Variants in CARD10 observed in about 807,000 individuals in gnomAD.
CARD10 encodes the protein caspase recruitment domain-containing protein 10.
Under a neutral mutation model 114.6 loss-of-function variants are expected in CARD10, and 49 were observed. The observed-to-expected ratio is 0.43, with a 90% confidence interval of 0.34 to 0.54. CARD10 has a LOEUF of 0.54. CARD10 is among the 20% of genes least tolerant of loss of function. The pLI is 0.03. For missense variants in CARD10, 1,206 were observed against 1,397.2 expected (o/e 0.86, Z 2.18); for synonymous variants, 602 against 593.2 (o/e 1.01, Z -0.21).
Position 37,501,425 on chromosome 22 carries a change from G to A in CARD10, c.1787+1177C>T, listed in dbSNP as rs368606800. ...CCTCCACCCCTTCCCCGAGAAGCAC[G>A]TCCTGCACAGGCAAAAACAATGTCT... On this transcript the variant is annotated intron_variant, in intron 11 of 19. Coordinates refer to ENST00000251973, the MANE Select transcript of CARD10 (RefSeq NM_014550.4). This position sits in a 1 kb window ranked among gnomAD's most constrained non-coding sequence, Gnocchi z 5.4. Among the ~76,000 whole-genome samples the A allele has an allele frequency of 2.7e-5, 4 of 146,468 alleles. No homozygotes were observed. The highest frequency in any genetic ancestry group is 6.0e-5 in the Non-Finnish European group (4 of 66,582).
At chr22:37,491,494 G>T in intron 19 of CARD10, 101 bp from the exon 20 acceptor site, 1 of 795,906 alleles carries the variant, frequency 1.3e-6, no homozygotes, top group Non-Finnish European at 1.8e-6. Context: ...AGAGAGAGAA[G>T]ATGGACAACC....
chr22:37,509,121 G>A (rs1923521208), intron 4 of CARD10: 4 of 1,507,210 alleles, frequency 2.7e-6, no homozygotes, highest in African/African-American at 1.4e-5. Flanking sequence ...CCAAGATCTT[G>A]CCCCCAGACC....
Position 37,518,971 on chromosome 22 carries a change from C to T in CARD10, c.230G>A (p.Arg77His), listed in dbSNP as rs1200226771. 2 of 1,535,418 alleles carry T rather than the reference C, an allele frequency of 1.3e-6. No individual in the cohort carries two copies. The highest frequency in any genetic ancestry group is 1.4e-5 in the African/African-American group (1 of 72,508). ...ACTCGGGACCCGCGGCTCACCGGTG[C>T]GGTTGACGCGGCACGGGAAGCGGTA... ...STYRFPCRVN[R>H]TGRLMDILRC... Residue 77 changes from arginine (R) to histidine (H), a missense_variant, in exon 1 of 20, where the codon CGC (arginine) becomes CAC (histidine). This residue lies in a region of CARD10 where 138 missense variants were observed against 218.0 expected (regional missense o/e 0.63). Coordinates refer to ENST00000251973, the MANE Select transcript of CARD10 (RefSeq NM_014550.4).
At chr22:37,505,643 A>G (rs1398427185) in intron 7 of CARD10, among the ~76,000 whole-genome samples, 4 of 151,856 alleles carry the variant, frequency 2.6e-5, no homozygotes, top group Admixed American at 2.6e-4. Context: ...GTCTCAAAAA[A>G]AAAAAAAAAA....
At chr22:37,491,442 CAGAG>C (rs1211896474) in intron 19 of CARD10, 49 bp from the exon 20 acceptor site, 4 of 1,332,538 alleles carry the variant, frequency 3.0e-6, no homozygotes, top group South Asian at 3.0e-5. Context: ...CCAAGACAGA[CAGAG>C]AGACAGGGAG....
At position 37,506,271 on chromosome 22, in the gene CARD10, G is replaced by A. The variant is rs754748893; in HGVS notation, c.1304C>T (p.Thr435Ile). ...GLEAERDELL[T>I]TLTSLEGTKA... ...GGTGCCCTCCAGGCTGGTGAGCGTT[G>A]TCAGCAGCTCATCCCGCTCCGCCTC... is the stretch of plus-strand genomic sequence containing the variant. The change falls in exon 7 of 20, where the codon ACA becomes ATA. Residue 435 changes from threonine (T) to isoleucine (I), a missense_variant. This residue lies in a region of CARD10 where 1,068 missense variants were observed against 1,179.1 expected (regional missense o/e 0.91). Transcript: ENST00000251973. 1.9e-6 allele frequency: 3 copies of A among 1,609,482 alleles called. No homozygotes were observed. The highest frequency in any genetic ancestry group is 2.5e-6 in the Non-Finnish European group (3 of 1,178,012).
In CARD10 at chr22:37,507,919, G is replaced by A. The variant is rs1923469749; in HGVS notation, c.1101C>T (p.His367=). The change falls in exon 6 of 20, where the codon CAC becomes CAT. Residue 367 remains histidine, a synonymous_variant. Transcript: ENST00000251973. ...LQEMEDLRLK[H]RTLQKDCDLY... is the part of the protein sequence containing the mutation. Reference sequence around the variant, plus strand: ...GGTCACAGTCCTTCTGCAGCGTGCGGTGCTTGAGCCGCAGGTCTTCCATCT... The same window carrying A: ...GGTCACAGTCCTTCTGCAGCGTGCGATGCTTGAGCCGCAGGTCTTCCATCT... The A allele has an allele frequency of 1.2e-6, 2 of 1,614,154 alleles. No individual in the cohort carries two copies. The highest frequency in any genetic ancestry group is 1.1e-5 in the South Asian group (1 of 91,080).
intron 7 of CARD10, among the ~76,000 whole-genome samples, chr22:37,505,185 C>G (rs1021441846): frequency 6.6e-6 from 1 of 151,200 alleles, no homozygotes; most frequent in African/African-American, 2.4e-5. Flanking sequence ...CAGAACCAGG[C>G]GAGAGGACAA....
chr22:37,503,614 A>G (rs796104863), intron 9 of CARD10, among the ~76,000 whole-genome samples: 107 of 152,104 alleles, frequency 7.0e-4, no homozygotes, highest in African/African-American at 2.4e-3. Flanking sequence ...CCTCCTTGGG[A>G]CAGATTTACG....
chr22:37,504,625 G>T lies in CARD10; in HGVS notation c.1518+10C>A. The T allele has an allele frequency of 1.4e-6, 2 of 1,473,110 alleles. No homozygotes were observed. 91.3% of individuals were successfully genotyped at this position (1,473,110 alleles called of 1,614,324 possible). A position where few individuals can be genotyped will look rare whatever the true frequency, so the allele number is the denominator to read the frequency against. On this transcript the variant is annotated intron_variant, in intron 8 of 19. Coordinates refer to ENST00000251973, the MANE Select transcript of CARD10 (RefSeq NM_014550.4). ...GTCCCCCCTTATTTGGGATGGGGCA[G>T]TTGTCTTACCGAGTTGTGAGGCTCA... is the stretch of plus-strand genomic sequence containing the variant.
intron 15 of CARD10, 33 bp downstream of exon 15, chr22:37,495,483 GC>G (rs761426474): frequency 8.9e-6 from 14 of 1,575,634 alleles, no homozygotes; most frequent in Middle Eastern, 1.9e-4. Context: ...CACCCTTGGG[GC>G]CCCCCACCCA....
In CARD10 at chr22:37,507,811, C is replaced by A; in HGVS notation, c.1191+18G>T. ...GCAGCAACTGGCCCAGGGCCTCGTA[C>A]ACGCAGGCTGGGCTCACCTGGTCTC... On this transcript the variant is annotated intron_variant, in intron 6 of 19. Coordinates refer to ENST00000251973, the MANE Select transcript of CARD10 (RefSeq NM_014550.4). 3 of 1,614,052 alleles carry A rather than the reference C, an allele frequency of 1.9e-6. No individual in the cohort carries two copies. Among genetic ancestry groups the A allele is most frequent in the Non-Finnish European group, 1.7e-6 (2 of 1,179,904 alleles).
chr22:37,512,992 A>G (rs1453550831), intron 3 of CARD10, among the ~76,000 whole-genome samples: 1 of 152,222 alleles, frequency 6.6e-6, no homozygotes, highest in Non-Finnish European at 1.5e-5. Flanking sequence ...GCCAGGCACG[A>G]TCAGGTGCTC....
chr22:37,509,296 C>T lies in CARD10; in HGVS notation c.910-614G>A, dbSNP rs2145769321. ...TAGGGCCCCCAGGCCACACCCTCTACAAATCAAATTAAAGCTGGGGCCCTT... is the reference window on the plus strand; with the variant it reads ...TAGGGCCCCCAGGCCACACCCTCTATAAATCAAATTAAAGCTGGGGCCCTT... On this transcript the variant is annotated intron_variant, in intron 4 of 19. Coordinates refer to ENST00000251973, the MANE Select transcript of CARD10 (RefSeq NM_014550.4). 5 of 606,128 alleles carry T rather than the reference C, an allele frequency of 8.2e-6. No homozygotes were observed. The South Asian group carries it at 1.6e-4, about 19-fold the overall frequency. 37.5% of individuals were successfully genotyped at this position (606,128 alleles called of 1,614,324 possible).
At position 37,490,766 on chromosome 22, in the gene CARD10, AG is replaced by A. The variant is rs1922739731; in HGVS notation, c.*392del. The A allele has an allele frequency of 5.1e-6, 1 of 195,752 alleles. No individual in the cohort carries two copies. The highest frequency in any genetic ancestry group is 1.0e-5 in the Non-Finnish European group (1 of 96,208). The allele number at this position is 195,752 out of a possible 1,614,324, so 12.1% of individuals were successfully genotyped here. ...AGGAGCAGAACAGGCCCAGGTCCTC[AG>A]GAGACCTCGTGCCCAGGGCAGCGGG... On this transcript the variant is annotated 3_prime_UTR_variant, in exon 20 of 20. Transcript: ENST00000251973.
rs570993603 is a variant in CARD10 at position 37,514,969 on chromosome 22, C to T, written c.699+1004G>A. ...GCTGGAGGGAGTCAGGTGAGACTTCCCCACACAGGGAGTAGGCGGAACAGC... is the reference window on the plus strand; with the variant it reads ...GCTGGAGGGAGTCAGGTGAGACTTCTCCACACAGGGAGTAGGCGGAACAGC... On this transcript the variant is annotated intron_variant, in intron 3 of 19. Transcript: ENST00000251973. Among the ~76,000 whole-genome samples, 3 of 152,342 alleles carry T rather than the reference C, an allele frequency of 2.0e-5. No homozygotes were observed. In the East Asian group the frequency reaches 5.8e-4, roughly 29 times the overall value.
At position 37,492,133 on chromosome 22, in the gene CARD10, C is replaced by A. The variant is rs373461542; in HGVS notation, c.2752-266G>T. Reference sequence around the variant, plus strand: ...AGCTGACCCAAACCCACCCACCACCCGCCACCTTATAGCCGACTGCCAGCT... The same window carrying A: ...AGCTGACCCAAACCCACCCACCACCAGCCACCTTATAGCCGACTGCCAGCT... On this transcript the variant is annotated intron_variant, in intron 18 of 19. Coordinates refer to ENST00000251973, the MANE Select transcript of CARD10 (RefSeq NM_014550.4). The surrounding 1 kb of genome is among the most constrained non-coding windows in gnomAD (Gnocchi z 5.7). Among the ~76,000 whole-genome samples the A allele has an allele frequency of 6.6e-6, 1 of 152,086 alleles. No individual in the cohort carries two copies. The highest frequency in any genetic ancestry group is 2.4e-5 in the African/African-American group (1 of 41,404).
chr22:37,503,513 T>C (rs981862891), intron 9 of CARD10, among the ~76,000 whole-genome samples: 16 of 152,102 alleles, frequency 1.1e-4, no homozygotes, highest in African/African-American at 3.4e-4. Flanking sequence ...CCCTGATCTC[T>C]CACCCCTCAC....
rs1305497990 is a variant in CARD10, at chr22:37,501,260, C to T, written c.1787+1342G>A. Among the ~76,000 whole-genome samples the T allele has an allele frequency of 6.6e-6, 1 of 152,148 alleles. No individual in the cohort carries two copies. The highest frequency in any genetic ancestry group is 6.5e-5 in the Admixed American group (1 of 15,278). The stretch of plus-strand genomic sequence containing the variant: ...GGCAGCAGAAGTGGCCCCATGTGAT[C>T]GTGGGGCCTGGGCGGGGCTGGGACG... On this transcript the variant is annotated intron_variant, in intron 11 of 19. Transcript: ENST00000251973. The surrounding 1 kb of genome is among the most constrained non-coding windows in gnomAD (Gnocchi z 5.4).
Sources: allele counts gnomAD v4.1 joint callset (sites outside exome capture counted in the v4.1 genomes callset), GRCh38; gene constraint gnomAD v4.1.1; regional missense constraint gnomAD v4.1.1; non-coding constraint Gnocchi (gnomAD v3.1); transcripts MANE v1.5; gene names NCBI Gene and HGNC (gene_info 2026-07-23, HGNC 2026-07-21).